The following TMEM177 variants were observed in gnomAD, a reference collection of about 807,000 sequenced individuals.
The protein encoded by TMEM177 is transmembrane protein 177.
TMEM177 carries 4 observed loss-of-function variants against 14.2 expected under a neutral mutation model. That is an observed-to-expected ratio of 0.28 (90% confidence interval 0.14 to 0.64). TMEM177 has a LOEUF of 0.64. Ranked by LOEUF, TMEM177 falls within the 30% of genes least tolerant of loss-of-function variation. The probability of loss-of-function intolerance (pLI) is 0.82; values close to 1 mark genes in which losing one functional copy is unlikely to be tolerated. For missense variants in TMEM177, 344 were observed against 405.2 expected (o/e 0.85, Z 1.30); for synonymous variants, 179 against 174.5 (o/e 1.03, Z -0.20).
downstream of TMEM177, among the ~76,000 whole-genome samples, chr2:119,687,388 G>A (rs1247100152): frequency 6.6e-6 from 1 of 152,198 alleles, no homozygotes; most frequent in Non-Finnish European, 1.5e-5. Flanking sequence ...CCAAAACTGT[G>A]TGATTTATAA....
In TMEM177 at chr2:119,681,918, CT is replaced by C; in HGVS notation, c.*131del. On this transcript the variant is annotated 3_prime_UTR_variant, in exon 2 of 2. Transcript: ENST00000272521. The stretch of plus-strand genomic sequence containing the variant: ...AATCACTGGCTTTGGAATTAAATAG[CT>C]TAGATTGTACTATAACCACTACTTA... 1.3e-6 allele frequency: 1 copy of C among 796,832 alleles called. No homozygotes were observed. Among genetic ancestry groups the C allele is most frequent in the Non-Finnish European group, 2.0e-6 (1 of 495,110 alleles). 49.4% of individuals were successfully genotyped at this position (796,832 alleles called of 1,614,324 possible).
chr2:119,689,040 A>G (rs373988022), downstream of TMEM177, among the ~76,000 whole-genome samples: 18 of 152,154 alleles, frequency 1.2e-4, no homozygotes, highest in African/African-American at 4.3e-4. Context: ...ACTGCTCTGA[A>G]GTCTGAGGCC....
At chr2:119,713,794 C>T in the TMEM177 span, among the ~76,000 whole-genome samples, 29 of 152,222 alleles carry the variant, frequency 1.9e-4, no homozygotes, top group Non-Finnish European at 3.1e-4. Context: ...TGATTGTGCC[C>T]GTGCACTCCA....
chr2:119,696,469 T>C, the TMEM177 span, among the ~76,000 whole-genome samples: 1 of 152,196 alleles, frequency 6.6e-6, no homozygotes, highest in African/African-American at 2.4e-5. Context: ...GAACATCTGA[T>C]ATGTGCCAGG....
At chr2:119,685,925 G>A, downstream of TMEM177, 1 of 553,902 alleles carries the variant, frequency 1.8e-6, no homozygotes, top group East Asian at 3.0e-5. Flanking sequence ...GAACTTCCGA[G>A]GAGACCCCTC....
chr2:119,706,374 G>A, the TMEM177 span, among the ~76,000 whole-genome samples: 2 of 152,098 alleles, frequency 1.3e-5, no homozygotes, highest in Non-Finnish European at 2.9e-5. Context: ...AATGGAAGGG[G>A]TGGCCTCACC....
rs187602068 is a variant in TMEM177, at chr2:119,681,041, G to A, written c.188G>A (p.Ser63Asn). ...GCTCCGCTCCCTCCACAGCTGCAGA[G>A]CCTCTTCCAAGAGGTGCTACAGGAC... ...QPAPLPPQLQ[S>N]LFQEVLQDIG... The change falls in exon 2 of 2, where the codon AGC becomes AAC. Residue 63 changes from serine to asparagine, a missense_variant. Physicochemically the swap from Ser to Asn is conservative, Grantham distance 46. Coordinates refer to ENST00000272521, the MANE Select transcript of TMEM177 (RefSeq NM_030577.3). The A allele has an allele frequency of 5.0e-6, 8 of 1,614,230 alleles. No individual in the cohort carries two copies. The highest frequency in any genetic ancestry group is 1.6e-4 in the Middle Eastern group (1 of 6,062).
chr2:119,681,795 T>C lies in TMEM177; in HGVS notation c.*6T>C, dbSNP rs376973029. The stretch of plus-strand genomic sequence containing the variant: ...TCAATCCGGGCCGCTCCTGATGGGC[T>C]CATCACAAGGACACTTCCAGCTTGT... On this transcript the variant is annotated 3_prime_UTR_variant, in exon 2 of 2. Coordinates refer to ENST00000272521, the MANE Select transcript of TMEM177 (RefSeq NM_030577.3). 1.9e-6 allele frequency: 3 copies of C among 1,608,176 alleles called. No individual in the cohort carries two copies. In the Admixed American group the frequency reaches 5.0e-5, roughly 27 times the overall value.
At chr2:119,682,119 C>A, downstream of TMEM177, 1 of 196,540 alleles carries the variant, frequency 5.1e-6, no homozygotes, top group Non-Finnish European at 1.0e-5. Context: ...ATCCCTCCTT[C>A]TTGGTCGTTT....
downstream of TMEM177, among the ~76,000 whole-genome samples, chr2:119,682,826 A>G (rs1265399461): frequency 1.3e-5 from 2 of 152,194 alleles, no homozygotes; most frequent in Non-Finnish European, 2.9e-5. Flanking sequence ...CGTAGGGGTC[A>G]GCAAGGAGAG....
At chr2:119,714,459 G>A in the TMEM177 span, among the ~76,000 whole-genome samples, 11 of 152,214 alleles carry the variant, frequency 7.2e-5, no homozygotes, top group African/African-American at 2.4e-4. Context: ...AAGCATTTCC[G>A]AGACATGAGC....
In TMEM177 at chr2:119,681,734, G is replaced by T; in HGVS notation, c.881G>T (p.Arg294Leu). 6.2e-7 allele frequency: 1 copy of T among 1,614,116 alleles called. No homozygotes were observed. The highest frequency in any genetic ancestry group is 8.5e-7 in the Non-Finnish European group (1 of 1,180,030). Residue 294 changes from arginine to leucine, a missense_variant, in exon 2 of 2, where the codon CGC becomes CTC. Physicochemically the swap from Arg to Leu is moderately radical, Grantham distance 102. Transcript: ENST00000272521. ...ATCAAACATTTACCCTACACCACCC[G>T]CCGGGACTCTGTGCTGCAGATGTGG... ...FRIKHLPYTT[R>L]RDSVLQMWRG...
At chr2:119,718,840 T>TC in the TMEM177 span, among the ~76,000 whole-genome samples, 1 of 152,128 alleles carries the variant, frequency 6.6e-6, no homozygotes, top group Non-Finnish European at 1.5e-5. Flanking sequence ...AAACCCAGTC[T>TC]CCCCACCTTC....
chr2:119,682,622 A>G (rs770159392), downstream of TMEM177, among the ~76,000 whole-genome samples: 3 of 152,168 alleles, frequency 2.0e-5, no homozygotes, highest in Non-Finnish European at 4.4e-5. Flanking sequence ...GAGGTGTTCC[A>G]GAACTCCGAG....
At chr2:119,689,299 C>A (rs114880002), downstream of TMEM177, among the ~76,000 whole-genome samples, 2,949 of 152,206 alleles carry the variant, frequency 0.019, 34 homozygotes, top group African/African-American at 0.023. Context: ...AGAGTTCTAC[C>A]GAAGAGACTG....
the TMEM177 span, among the ~76,000 whole-genome samples, chr2:119,706,396 T>C: frequency 1.3e-5 from 2 of 152,176 alleles, no homozygotes; most frequent in East Asian, 3.9e-4. Flanking sequence ...CTAGGAGTCT[T>C]CACGCTTTCC....
At chr2:119,685,189 C>T (rs2104853353), downstream of TMEM177, among the ~76,000 whole-genome samples, 1 of 148,900 alleles carries the variant, frequency 6.7e-6, no homozygotes, top group Non-Finnish European at 1.5e-5. Flanking sequence ...CTACAACACA[C>T]AAAGACTCCC....
rs749391994 is a variant in TMEM177, at chr2:119,681,726, C to T, written c.873C>T (p.Tyr291=). 6.2e-7 allele frequency: 1 copy of T among 1,614,150 alleles called. No homozygotes were observed. Among genetic ancestry groups the T allele is most frequent in the Non-Finnish European group, 8.5e-7 (1 of 1,180,038 alleles). ...RHLFRIKHLP[Y]TTRRDSVLQM... Reference sequence around the variant, plus strand: ...TGTTCCGAATCAAACATTTACCCTACACCACCCGCCGGGACTCTGTGCTGC... The same window carrying T: ...TGTTCCGAATCAAACATTTACCCTATACCACCCGCCGGGACTCTGTGCTGC... The change falls in exon 2 of 2, where the codon TAC becomes TAT. Residue 291 remains tyrosine (Y), a synonymous_variant. Transcript: ENST00000272521.
chr2:119,680,964 C>T lies in TMEM177; in HGVS notation c.111C>T (p.Phe37=). 6.8e-6 allele frequency: 11 copies of T among 1,614,218 alleles called. No individual in the cohort carries two copies. The highest frequency in any genetic ancestry group is 9.3e-6 in the Non-Finnish European group (11 of 1,180,032). The part of the protein sequence containing the change: ...LFGVPISYHL[F]PDPVVQWLYQ... Reference sequence around the variant, plus strand: ...GAGTTCCAATCTCGTACCACCTCTTCCCGGATCCCGTGGTCCAATGGCTCT... The same window carrying T: ...GAGTTCCAATCTCGTACCACCTCTTTCCGGATCCCGTGGTCCAATGGCTCT... The change falls in exon 2 of 2, where the codon TTC becomes TTT. Residue 37 remains phenylalanine, a synonymous_variant. Coordinates refer to ENST00000272521, the MANE Select transcript of TMEM177 (RefSeq NM_030577.3).
Sources: gnomAD v4.1 joint callset for allele counts (sites outside exome capture counted in the v4.1 genomes callset) on GRCh38, gnomAD v4.1.1 for gene constraint, MANE v1.5 for transcripts, NCBI Gene and HGNC (gene_info 2026-07-23, HGNC 2026-07-21) for gene names.